Variants in MACF1 observed in about 807,000 individuals in gnomAD.
MACF1 encodes the protein microtubule-actin cross-linking factor 1.
In MACF1, 193 loss-of-function variants were observed where a neutral mutation model predicts 854.8. The ratio of observed to expected loss-of-function variants is 0.23; its 90% CI spans 0.20 to 0.25. The LOEUF (loss-of-function observed/expected upper bound fraction) is 0.25, where lower values mean the gene tolerates loss of function less well. Ranked by LOEUF, MACF1 falls within the 10% of genes least tolerant of loss-of-function variation. The probability of loss-of-function intolerance (pLI) is 1.00; values close to 1 mark genes in which losing one functional copy is unlikely to be tolerated. For missense variants in MACF1, 7,722 were observed against 8,929.1 expected, an observed-to-expected ratio of 0.86 and a Z score of 5.45; for synonymous variants, 3,185 against 3,226.7, an observed-to-expected ratio of 0.99 and a Z score of 0.44.
intron 44 of MACF1, among the ~76,000 whole-genome samples, chr1:39,354,545 C>T (rs894080310): frequency 3.3e-5 from 5 of 152,186 alleles, no homozygotes; most frequent in African/African-American, 9.7e-5. Flanking sequence ...GCTAAGATTA[C>T]AGGCATGTGC....
At chr1:39,170,508 A>G (rs1037722292) in intron 2 of MACF1, among the ~76,000 whole-genome samples, 1 of 152,236 alleles carries the variant, frequency 6.6e-6, no homozygotes, top group Non-Finnish European at 1.5e-5. Flanking sequence ...CACTAGACAA[A>G]TATTTGTTGG....
chr1:39,387,247 T>C lies in MACF1; in HGVS notation c.14405T>C (p.Phe4802Ser). The change falls in exon 58 of 101, where the codon TTT (phenylalanine) becomes TCT (serine). Residue 4802 changes from phenylalanine (F) to serine (S), a missense_variant. Around this residue, in one of 15 missense-constraint regions of MACF1, gnomAD observed 2,807 missense variants for 3,235.8 expected, o/e 0.87. Transcript: ENST00000564288. The part of the protein sequence containing the change: ...LASTQQFQQM[F>S]DELRTWLDDK... ...AGCACCCAGCAGTTCCAGCAAATGT[T>C]TGATGAGTTGAGGACCTGGTTGGAT... 1 of 1,614,198 alleles carries C rather than the reference T, an allele frequency of 6.2e-7. No individual in the cohort carries two copies.
rs1034589140 is a variant in MACF1, at chr1:39,409,094, G to T, written c.15817-13280G>T. 2.6e-5 allele frequency among the ~76,000 whole-genome samples: 4 copies of T among 151,908 alleles called. No homozygotes were observed. The highest frequency in any genetic ancestry group is 4.4e-5 in the Non-Finnish European group (3 of 67,932). ...AGCCGAGCACTTCCAGCGAGCTAGC[G>T]AGCTAGCGGGTCGCGCTGCGCGGGG... On this transcript the variant is annotated intron_variant, in intron 58 of 100. Coordinates refer to ENST00000564288, the MANE Select transcript of MACF1 (RefSeq NM_001394062.1). This position sits in a 1 kb window ranked among gnomAD's most constrained non-coding sequence, Gnocchi z 4.2.
At chr1:39,205,999 T>C in intron 1 of MACF1, among the ~76,000 whole-genome samples, 1 of 152,188 alleles carries the variant, frequency 6.6e-6, no homozygotes, top group East Asian at 1.9e-4. Context: ...ACTCTCATTG[T>C]GATGGGCTCA....
chr1:39,213,927 G>A (rs2148280371), intron 1 of MACF1, among the ~76,000 whole-genome samples: 1 of 152,310 alleles, frequency 6.6e-6, no homozygotes, highest in East Asian at 1.9e-4. Context: ...GCAGTTTGTA[G>A]GTGGGAGGGA....
intron 58 of MACF1, among the ~76,000 whole-genome samples, chr1:39,405,051 G>A (rs547554197): frequency 6.6e-6 from 1 of 152,296 alleles, no homozygotes; most frequent in East Asian, 1.9e-4. Flanking sequence ...CTACAGGCAG[G>A]AAAGGGCTTA....
intron 2 of MACF1, among the ~76,000 whole-genome samples, chr1:39,101,874 A>G (rs1642087651): frequency 6.8e-6 from 1 of 147,530 alleles, no homozygotes; most frequent in East Asian, 2.1e-4. Flanking sequence ...GAAAGAAAGA[A>G]AAGAGAGAGA....
chr1:39,123,155 C>T (rs1419948150), intron 2 of MACF1, among the ~76,000 whole-genome samples: 2 of 150,948 alleles, frequency 1.3e-5, no homozygotes, highest in Admixed American at 1.3e-4. Flanking sequence ...CAGTGGTGGT[C>T]CAAGGACCAG....
chr1:39,162,573 T>TA (rs1643823560), intron 2 of MACF1, among the ~76,000 whole-genome samples: 1 of 152,226 alleles, frequency 6.6e-6, no homozygotes, highest in African/African-American at 2.4e-5. Context: ...ACTTTAAACA[T>TA]ACTTGTTTTA....
rs1284365335 is a variant in MACF1 at position 39,360,918 on chromosome 1, G to A, written c.12370G>A (p.Gly4124Arg). Reference sequence around the variant, plus strand: ...CCTGGAGAGCCTGTTGCAGTCTATTGGGGAAGTTGAACAAAACCTGGAAGG... The same window carrying A: ...CCTGGAGAGCCTGTTGCAGTCTATTAGGGAAGTTGAACAAAACCTGGAAGG... ...ESLESLLQSIGEVEQNLEGKQ... is the reference protein window; with the variant it reads ...ESLESLLQSIREVEQNLEGKQ... The change falls in exon 48 of 101, where the codon GGG becomes AGG. Residue 4124 changes from glycine to arginine, a missense_variant. Gly to Arg is a moderately radical substitution (Grantham distance 125). Transcript: ENST00000564288. 1.9e-6 allele frequency: 3 copies of A among 1,613,830 alleles called. No homozygotes were observed. Among genetic ancestry groups the A allele is most frequent in the Non-Finnish European group, 2.5e-6 (3 of 1,180,006 alleles).
At chr1:39,223,314 A>T (rs972892518) in intron 1 of MACF1, among the ~76,000 whole-genome samples, 4 of 152,212 alleles carry the variant, frequency 2.6e-5, no homozygotes, top group Admixed American at 1.3e-4. Flanking sequence ...TTTGACTGTT[A>T]TCCCAAATGG....
intron 2 of MACF1, among the ~76,000 whole-genome samples, chr1:39,138,277 A>G (rs1643234734): frequency 6.6e-6 from 1 of 152,004 alleles, no homozygotes; most frequent in African/African-American, 2.4e-5. Flanking sequence ...GGTCCTAACA[A>G]ACACTTGAAA....
At chr1:39,311,856 G>A (rs1483853370) in intron 26 of MACF1, among the ~76,000 whole-genome samples, 1 of 152,122 alleles carries the variant, frequency 6.6e-6, no homozygotes, top group Non-Finnish European at 1.5e-5. Context: ...AATTTGATCT[G>A]GGAGCTTAAA....
At chr1:39,377,085 A>G (rs1172149785) in intron 52 of MACF1, among the ~76,000 whole-genome samples, 6 of 152,144 alleles carry the variant, frequency 3.9e-5, no homozygotes, top group Admixed American at 1.3e-4. Flanking sequence ...ATCTTGGCTC[A>G]CTGCAACCTC....
intron 84 of MACF1, 64 bp downstream of exon 84, chr1:39,448,827 A>T (rs1034905582): frequency 7.4e-7 from 1 of 1,352,088 alleles, no homozygotes; most frequent in African/African-American, 1.5e-5. Flanking sequence ...TTCTTACCAG[A>T]TTCTATAAAA....
chr1:39,282,562 C>T lies in MACF1; in HGVS notation c.695+188C>T, dbSNP rs74066729. On this transcript the variant is annotated intron_variant, in intron 7 of 100. Coordinates refer to ENST00000564288, the MANE Select transcript of MACF1 (RefSeq NM_001394062.1). Reference sequence around the variant, plus strand: ...GTACAAGTAGCAGTGAAGAAAACAGCGAAAGTTCTTGCTCTCATGGAACTT... The same window carrying T: ...GTACAAGTAGCAGTGAAGAAAACAGTGAAAGTTCTTGCTCTCATGGAACTT... Among the ~76,000 whole-genome samples the T allele has an allele frequency of 0.03, 4,571 of 152,256 alleles. 231 individuals carry two copies. The highest frequency in any genetic ancestry group is 0.1 in the African/African-American group (4,200 of 41,526).
chr1:39,292,149 A>G lies in MACF1; in HGVS notation c.1914+111A>G, dbSNP rs1002154592. On this transcript the variant is annotated intron_variant, in intron 16 of 100. Transcript: ENST00000564288. ...GGAGGAGGGTGCTCTGGAAAAGAAT[A>G]ATGATGATGAAGAGCGGTTTATGAC... The G allele has an allele frequency of 5.5e-6, 7 of 1,262,536 alleles. No individual in the cohort carries two copies. In the African/African-American group the frequency reaches 7.4e-5, roughly 13 times the overall value. The allele number at this position is 1,262,536 out of a possible 1,614,324, so 78.2% of individuals were successfully genotyped here. A position where few individuals can be genotyped will look rare whatever the true frequency, so the allele number is the denominator to read the frequency against.
rs770442021 is a variant in MACF1 at position 39,441,024 on chromosome 1, G to A, written c.18469G>A (p.Gly6157Ser). Residue 6157 changes from glycine to serine, a missense_variant, in exon 73 of 101, where the codon GGT becomes AGT. Around this residue, in one of 15 missense-constraint regions of MACF1, gnomAD observed 2,807 missense variants for 3,235.8 expected, o/e 0.87. Transcript: ENST00000564288. ...GTAGACTATTAAGGAAGAGACAGAT[G>A]GTCTGCATGAAGAGCTGGAGTTTAT... ...AAETIKEETD[G>S]LHEELEFIRI... 7.4e-6 allele frequency: 12 copies of A among 1,614,148 alleles called. 1 individual carries two copies. In the South Asian group the frequency reaches 1.1e-4, roughly 15 times the overall value.
Position 39,410,141 on chromosome 1 carries a change from C to T in MACF1, c.15817-12233C>T, listed in dbSNP as rs539854403. Reference sequence around the variant, plus strand: ...GGAACTTCCAGGCCTTTCTGGAGGGCAGATGCAATTGGTGGTTTGGGGTAT... The same window carrying T: ...GGAACTTCCAGGCCTTTCTGGAGGGTAGATGCAATTGGTGGTTTGGGGTAT... On this transcript the variant is annotated intron_variant, in intron 58 of 100. Coordinates refer to ENST00000564288, the MANE Select transcript of MACF1 (RefSeq NM_001394062.1). The T allele has an allele frequency of 7.7e-6, 5 of 653,132 alleles. No individual in the cohort carries two copies. In the South Asian group the frequency reaches 7.8e-5, roughly 10 times the overall value. The allele number at this position is 653,132 out of a possible 1,614,324, so 40.5% of individuals were successfully genotyped here. A position where few individuals can be genotyped will look rare whatever the true frequency, so the allele number is the denominator to read the frequency against.
Sources: gnomAD v4.1 joint callset for allele counts (sites outside exome capture counted in the v4.1 genomes callset) on GRCh38, gnomAD v4.1.1 for gene constraint, gnomAD v4.1.1 regional missense constraint, Gnocchi (gnomAD v3.1) non-coding constraint, MANE v1.5 for transcripts, NCBI Gene and HGNC (gene_info 2026-07-23, HGNC 2026-07-21) for gene names.